MAGOHB: variants seen among roughly 807,000 people sequenced by gnomAD.
MAGOHB encodes protein mago nashi homolog 2.
MAGOHB carries 15 observed loss-of-function variants against 20.9 expected under a neutral mutation model. That is an observed-to-expected ratio of 0.72 (90% CI 0.48 to 1.11). MAGOHB has a LOEUF of 1.11. Among genes scored for constraint, MAGOHB ranks in the 50% least tolerant of loss-of-function variants. MAGOHB has a pLI of 0.00. For synonymous variants in MAGOHB, 50 were observed against 57.9 expected (o/e 0.86, Z 0.62); for missense variants, 162 against 177.6 (o/e 0.91, Z 0.50).
At chr12:10,599,652 T>C (rs1262398055), downstream of MAGOHB, 2 of 152,328 alleles carry the variant, frequency 1.3e-5, no homozygotes, top group Middle Eastern at 3.4e-3. Flanking sequence ...CTTCGAATGA[T>C]ACTGTAACTC....
At chr12:10,612,399 AAAT>A (rs3059684) in intron 1 of MAGOHB, among the ~76,000 whole-genome samples, 1 of 150,614 alleles carries the variant, frequency 6.6e-6, no homozygotes, top group African/African-American at 2.4e-5. Flanking sequence ...CCTTGTTTCA[AAAT>A]AATAATAATA....
chr12:10,608,126 G>A (rs941335785), intron 3 of MAGOHB, 190 bp from the exon 4 acceptor site: 3 of 436,460 alleles, frequency 6.9e-6, no homozygotes, highest in Non-Finnish European at 8.0e-6. Context: ...GACTGCTCAC[G>A]CGCACTACCC....
At chr12:10,608,672 T>C (rs953536528) in intron 3 of MAGOHB, 3 of 151,264 alleles carry the variant, frequency 2.0e-5, no homozygotes, top group African/African-American at 7.3e-5. Flanking sequence ...GATTTTTCCC[T>C]ATATTGTTTA....
chr12:10,608,189 A>G, intron 3 of MAGOHB: 1 of 284,320 alleles, frequency 3.5e-6, no homozygotes, highest in Admixed American at 5.3e-5. Flanking sequence ...AGAAGACACT[A>G]TGAAACAAAA....
At chr12:10,600,982 A>G (rs1273486789), downstream of MAGOHB, among the ~76,000 whole-genome samples, 2 of 152,208 alleles carry the variant, frequency 1.3e-5, no homozygotes, top group Non-Finnish European at 2.9e-5. Flanking sequence ...TAATGTAGGC[A>G]AAGTTTCATG....
At chr12:10,603,564 T>C (rs560648786), downstream of MAGOHB, among the ~76,000 whole-genome samples, 1 of 151,160 alleles carries the variant, frequency 6.6e-6, no homozygotes, top group African/African-American at 2.4e-5. Context: ...AAAAAAAGGA[T>C]TCCCGATGGC....
chr12:10,611,842 G>C (rs1865748821), intron 1 of MAGOHB, among the ~76,000 whole-genome samples: 1 of 150,836 alleles, frequency 6.6e-6, no homozygotes, highest in African/African-American at 2.4e-5. Flanking sequence ...TGTAGTGGCA[G>C]ATACATTGAT....
chr12:10,612,082 G>A (rs566002836), intron 1 of MAGOHB, among the ~76,000 whole-genome samples: 1 of 152,242 alleles, frequency 6.6e-6, no homozygotes, highest in South Asian at 2.1e-4. Flanking sequence ...TGGCCCGGTG[G>A]CTCATGCTTG....
At position 10,612,710 on chromosome 12, in the gene MAGOHB, C is replaced by G. The variant is rs79357865; in HGVS notation, c.94+729G>C. ...CAAAAAAACCCAAAAAATATATATC[C>G]AAATGAACTTTCTTGTTGCAGGTAG... On this transcript the variant is annotated intron_variant, in intron 1 of 4. Coordinates refer to ENST00000320756, the MANE Select transcript of MAGOHB (RefSeq NM_018048.5). The G allele has an allele frequency of 3.1e-3, 3,592 of 1,158,364 alleles. 90 individuals are homozygous for G. In the African/African-American group the frequency reaches 0.054, roughly 17 times the overall value. The allele number at this position is 1,158,364 out of a possible 1,614,324, so 71.8% of individuals were successfully genotyped here. A position where few individuals can be genotyped will look rare whatever the true frequency, so the allele number is the denominator to read the frequency against.
chr12:10,606,208 A>T lies in MAGOHB; in HGVS notation c.*67T>A. The stretch of plus-strand genomic sequence containing the variant: ...GCTTCACATTCATAAAAACCCCAAT[A>T]CTGTAAATGACAAATAACCCCTCCC... On this transcript the variant is annotated 3_prime_UTR_variant, in exon 5 of 5. Transcript: ENST00000320756. 1 of 857,420 alleles carries T rather than the reference A, an allele frequency of 1.2e-6. No individual in the cohort carries two copies. Among genetic ancestry groups the T allele is most frequent in the Non-Finnish European group, 1.8e-6 (1 of 557,818 alleles). The allele number at this position is 857,420 out of a possible 1,614,324, so 53.1% of individuals were successfully genotyped here.
chr12:10,613,478 A>G lies in MAGOHB; in HGVS notation c.55T>C (p.Phe19Leu). The part of the protein sequence containing the change: ...LRYYVGHKGK[F>L]GHEFLEFEFR... ...TCGAACTCCAGAAACTCGTGCCCAAACTTGCCCTTGTGCCCTACGTAGTAG... is the reference window on the plus strand; with the variant it reads ...TCGAACTCCAGAAACTCGTGCCCAAGCTTGCCCTTGTGCCCTACGTAGTAG... The change falls in exon 1 of 5, where the codon TTT (phenylalanine) becomes CTT (leucine). Residue 19 changes from phenylalanine to leucine, a missense_variant. Coordinates refer to ENST00000320756, the MANE Select transcript of MAGOHB (RefSeq NM_018048.5). 1 of 1,614,008 alleles carries G rather than the reference A, an allele frequency of 6.2e-7. No individual in the cohort carries two copies. Among genetic ancestry groups the G allele is most frequent in the Non-Finnish European group, 8.5e-7 (1 of 1,179,980 alleles).
At position 10,604,372 on chromosome 12, in the gene MAGOHB, T is replaced by C. The variant is rs2120494914; in HGVS notation, c.*1903A>G. 1 of 152,308 alleles carries C rather than the reference T, an allele frequency of 6.6e-6. No individual in the cohort carries two copies. Among genetic ancestry groups the C allele is most frequent in the South Asian group, 2.1e-4 (1 of 4,832 alleles). 9.4% of individuals were successfully genotyped at this position (152,308 alleles called of 1,614,324 possible). On this transcript the variant is annotated 3_prime_UTR_variant, in exon 5 of 5. Coordinates refer to ENST00000320756, the MANE Select transcript of MAGOHB (RefSeq NM_018048.5). ...CAAAGTATAAGAAAATTGTAGACGG[T>C]AATATTTTCCTAATGACCTAGTCTC...
chr12:10,610,956 G>GA (rs1865723373), intron 1 of MAGOHB, among the ~76,000 whole-genome samples: 1 of 152,146 alleles, frequency 6.6e-6, no homozygotes, highest in Non-Finnish European at 1.5e-5. Context: ...TCATGAACTA[G>GA]AAAGAGAATC....
chr12:10,611,172 TCA>T (rs1048915272), intron 1 of MAGOHB, among the ~76,000 whole-genome samples: 8 of 152,224 alleles, frequency 5.3e-5, no homozygotes, highest in Non-Finnish European at 1.0e-4. Flanking sequence ...CTTTCAATAC[TCA>T]GGCTTTCCCC....
At chr12:10,612,778 AAC>A in intron 1 of MAGOHB, 1 of 1,264,660 alleles carries the variant, frequency 7.9e-7, no homozygotes, top group South Asian at 1.3e-5. Context: ...GCTGTCAGAA[AAC>A]ACACTGTTGC....
At chr12:10,611,560 A>C (rs1477249310) in intron 1 of MAGOHB, among the ~76,000 whole-genome samples, 1 of 151,894 alleles carries the variant, frequency 6.6e-6, no homozygotes, top group African/African-American at 2.4e-5. Context: ...CAGCCTGGCC[A>C]ACATGGAGAA....
downstream of MAGOHB, chr12:10,599,707 T>C (rs1422650010): frequency 6.6e-6 from 1 of 151,952 alleles, no homozygotes; most frequent in Admixed American, 6.6e-5. Flanking sequence ...AAGAGGAAAT[T>C]GTATCATGAA....
chr12:10,611,987 T>C (rs1040553714), intron 1 of MAGOHB, among the ~76,000 whole-genome samples: 13 of 151,912 alleles, frequency 8.6e-5, no homozygotes, highest in Non-Finnish European at 2.9e-5. Context: ...ACATAAAGAA[T>C]AGATGAATTC....
chr12:10,602,371 C>T (rs1002347273), downstream of MAGOHB, among the ~76,000 whole-genome samples: 2 of 152,182 alleles, frequency 1.3e-5, no homozygotes, highest in Admixed American at 6.5e-5. Flanking sequence ...AAACTGACGA[C>T]GGGAAAGCCA....
Sources: gnomAD v4.1 joint callset for allele counts (sites outside exome capture counted in the v4.1 genomes callset) on GRCh38, gnomAD v4.1.1 for gene constraint, MANE v1.5 for transcripts, NCBI Gene and HGNC (gene_info 2026-07-23, HGNC 2026-07-21) for gene names.